Variants in CDKN2A observed in about 807,000 individuals in gnomAD.
CDKN2A encodes cyclin-dependent kinase inhibitor 2A.
Under a neutral mutation model 11.1 loss-of-function variants are expected in CDKN2A, and 3 were observed. The ratio of observed to expected loss-of-function variants is 0.27; its 90% CI spans 0.12 to 0.70. The LOEUF (loss-of-function observed/expected upper bound fraction) is 0.70. Among genes scored for constraint, CDKN2A ranks in the 30% least tolerant of loss-of-function variants. The probability of loss-of-function intolerance (pLI) is 0.77; values close to 1 mark genes in which losing one functional copy is unlikely to be tolerated. For synonymous variants in CDKN2A, 122 were observed against 108.1 expected (o/e 1.13, Z -0.80); for missense variants, 265 against 233.6 (o/e 1.13, Z -0.88).
Position 21,974,774 on chromosome 9 carries a change from C to T in CDKN2A, c.54G>A (p.Thr18=), listed in dbSNP as rs765702324. The change falls in exon 1 of 3, where the codon ACG becomes ACA. Residue 18 remains threonine (T), a synonymous_variant. Coordinates refer to ENST00000304494, the MANE Select transcript of CDKN2A (RefSeq NM_000077.5). This position sits in a 1 kb window ranked among gnomAD's most constrained non-coding sequence, Gnocchi z 5.2. ...CCTCTACCCGACCCCGGGCCGCGGCCGTGGCCAGCCAGTCAGCCGAAGGCT... is the reference window on the plus strand; with the variant it reads ...CCTCTACCCGACCCCGGGCCGCGGCTGTGGCCAGCCAGTCAGCCGAAGGCT... ...SMEPSADWLA[T]AAARGRVEEV... is the part of the protein sequence containing the mutation. The T allele has an allele frequency of 4.4e-6, 7 of 1,606,254 alleles. No individual in the cohort carries two copies. The highest frequency in any genetic ancestry group is 1.3e-5 in the African/African-American group (1 of 74,840).
At chr9:21,992,432 C>A (rs916615949) in intron 2 of CDKN2A, 5 of 984,162 alleles carry the variant, frequency 5.1e-6, no homozygotes, top group Non-Finnish European at 6.0e-6. Flanking sequence ...TCTTGAGAAA[C>A]TTCCTGAAGA....
At chr9:21,993,842 TGTGTC>T in intron 2 of CDKN2A, 2 of 471,990 alleles carry the variant, frequency 4.2e-6, no homozygotes, top group Non-Finnish European at 7.7e-6. Context: ...TGTGTGTGTG[TGTGTC>T]TTAGTCATTC....
At chr9:21,981,274 C>T (rs1223111641) in intron 2 of CDKN2A, among the ~76,000 whole-genome samples, 5 of 148,646 alleles carry the variant, frequency 3.4e-5, no homozygotes, top group African/African-American at 1.0e-4. Flanking sequence ...CTACAGTAAT[C>T]ATTTGAGGAG....
At chr9:21,970,512 G>A (rs1366240412) in intron 2 of CDKN2A, 2 of 461,608 alleles carry the variant, frequency 4.3e-6, no homozygotes, top group Admixed American at 3.9e-5. Flanking sequence ...AGCTTGGTAT[G>A]CAAATGAGGA....
rs1819514470 is a variant in CDKN2A at position 21,968,380 on chromosome 9, G to A, written c.458-138C>T. 4 of 1,502,704 alleles carry A rather than the reference G, an allele frequency of 2.7e-6. No homozygotes were observed. Among genetic ancestry groups the A allele is most frequent in the Non-Finnish European group, 3.6e-6 (4 of 1,108,060 alleles). 93.1% of individuals were successfully genotyped at this position (1,502,704 alleles called of 1,614,324 possible). A position where few individuals can be genotyped will look rare whatever the true frequency, so the allele number is the denominator to read the frequency against. On this transcript the variant is annotated intron_variant, in intron 2 of 2. Transcript: ENST00000304494. This position sits in a 1 kb window ranked among gnomAD's most constrained non-coding sequence, Gnocchi z 4.7. Reference sequence around the variant, plus strand: ...GTTCTCGCAATGGCTTCACGTGCATGTACCCGCCGCCACCGCTCTCCCACA... The same window carrying A: ...GTTCTCGCAATGGCTTCACGTGCATATACCCGCCGCCACCGCTCTCCCACA...
At chr9:21,970,620 C>A in intron 2 of CDKN2A, 1 of 601,608 alleles carries the variant, frequency 1.7e-6, no homozygotes, top group South Asian at 2.0e-5. Flanking sequence ...GCAGTCTAGG[C>A]CTTGAACTAG....
intron 2 of CDKN2A, chr9:21,992,443 T>C (rs1820449328): frequency 4.1e-6 from 4 of 983,550 alleles, no homozygotes; most frequent in Admixed American, 6.1e-5. Flanking sequence ...TTCCTGAAGA[T>C]TGCGCTTTTC....
At chr9:21,994,559 G>C (rs1820552958) in intron 1 of CDKN2A, 3 of 1,157,522 alleles carry the variant, frequency 2.6e-6, no homozygotes, top group Admixed American at 3.3e-5. Context: ...CCAAGATCTC[G>C]GAACGGCTCT....
upstream of CDKN2A, among the ~76,000 whole-genome samples, chr9:21,975,641 T>A (rs909744337): frequency 6.6e-6 from 1 of 152,168 alleles, no homozygotes; most frequent in Admixed American, 6.5e-5. Context: ...TTGCCTGGTA[T>A]AAGAGCAGAC....
At chr9:21,970,513 C>T (rs1163566436) in intron 2 of CDKN2A, 11 of 461,896 alleles carry the variant, frequency 2.4e-5, no homozygotes, top group Non-Finnish European at 3.5e-5. Context: ...GCTTGGTATG[C>T]AAATGAGGAA....
At chr9:21,982,448 T>C (rs1473052195) in intron 2 of CDKN2A, among the ~76,000 whole-genome samples, 3 of 152,136 alleles carry the variant, frequency 2.0e-5, no homozygotes, top group East Asian at 3.9e-4. Context: ...TTGCAGCTCA[T>C]GGAGACAATT....
intron 2 of CDKN2A, chr9:21,993,757 C>T (rs554135238): frequency 3.3e-5 from 8 of 244,918 alleles, no homozygotes; most frequent in African/African-American, 1.6e-4. Context: ...CAATAATTCT[C>T]CCCAAGGAGA....
At position 21,974,776 on chromosome 9, in the gene CDKN2A, T is replaced by G. The variant is rs758455611; in HGVS notation, c.52A>C (p.Thr18Pro). 2 of 1,606,008 alleles carry G rather than the reference T, an allele frequency of 1.2e-6. No individual in the cohort carries two copies. The highest frequency in any genetic ancestry group is 2.2e-5 in the South Asian group (2 of 90,950). The stretch of plus-strand genomic sequence containing the variant: ...TCTACCCGACCCCGGGCCGCGGCCG[T>G]GGCCAGCCAGTCAGCCGAAGGCTCC... ...SMEPSADWLA[T>P]AAARGRVEEV... Residue 18 changes from threonine (T) to proline (P), a missense_variant, in exon 1 of 3, where the codon ACG becomes CCG. Thr to Pro is a conservative substitution (Grantham distance 38, BLOSUM62 -1). Transcript: ENST00000304494. This position sits in a 1 kb window ranked among gnomAD's most constrained non-coding sequence, Gnocchi z 5.2.
At chr9:21,970,470 T>C (rs572454220) in intron 2 of CDKN2A, 34 of 395,580 alleles carry the variant, frequency 8.6e-5, no homozygotes, top group South Asian at 3.2e-4. Flanking sequence ...CCACGCACAA[T>C]TGGGTTTGGA....
At chr9:21,986,439 G>C (rs993132687) in intron 2 of CDKN2A, among the ~76,000 whole-genome samples, 14 of 151,910 alleles carry the variant, frequency 9.2e-5, no homozygotes, top group African/African-American at 3.1e-4. Flanking sequence ...GCCCAAAGGG[G>C]TTAAGCGACT....
chr9:21,992,202 C>T (rs1820444534), intron 2 of CDKN2A: 2 of 906,690 alleles, frequency 2.2e-6, no homozygotes, highest in South Asian at 1.0e-4. Flanking sequence ...TAATTTTTAG[C>T]ACTTGTGCCT....
chr9:21,988,782 T>C lies in CDKN2A; in HGVS notation c.-4+5100A>G, dbSNP rs1226813631. On this transcript the variant is annotated intron_variant, in intron 2 of 3. Coordinates refer to the CDKN2A transcript ENST00000494262. This position sits in a 1 kb window ranked among gnomAD's most constrained non-coding sequence, Gnocchi z 4.1. ...AGTTGAAAAAAAATCTACGAGGCACTATATTTTTAAAAATACCACTATGTA... is the reference window on the plus strand; with the variant it reads ...AGTTGAAAAAAAATCTACGAGGCACCATATTTTTAAAAATACCACTATGTA... Among the ~76,000 whole-genome samples, 2 of 152,216 alleles carry C rather than the reference T, an allele frequency of 1.3e-5. No individual in the cohort carries two copies. Among genetic ancestry groups the C allele is most frequent in the Non-Finnish European group, 2.9e-5 (2 of 68,036 alleles).
intron 2 of CDKN2A, among the ~76,000 whole-genome samples, chr9:21,987,592 TTC>T (rs1319676850): frequency 6.6e-6 from 1 of 152,146 alleles, no homozygotes; most frequent in East Asian, 1.9e-4. Flanking sequence ...TTATATTTTT[TTC>T]TCTCAAACTA....
At chr9:21,979,512 A>G (rs1820125397), upstream of CDKN2A, among the ~76,000 whole-genome samples, 1 of 152,248 alleles carries the variant, frequency 6.6e-6, no homozygotes, top group Non-Finnish European at 1.5e-5. Context: ...GGTCCCTCAA[A>G]AATAATGAAG....
Sources: gnomAD v4.1 joint callset for allele counts (sites outside exome capture counted in the v4.1 genomes callset) on GRCh38, gnomAD v4.1.1 for gene constraint, Gnocchi (gnomAD v3.1) non-coding constraint, MANE v1.5 for transcripts, NCBI Gene and HGNC (gene_info 2026-07-23, HGNC 2026-07-21) for gene names.